OR9Q1: variants seen among roughly 807,000 people sequenced by gnomAD.
OR9Q1 encodes the protein olfactory receptor family 9 subfamily Q member 1.
For synonymous variants in OR9Q1, 153 were observed against 148.6 expected (o/e 1.03, Z -0.22); for missense variants, 374 against 378.8 (o/e 0.99, Z 0.11).
chr11:58,176,433 G>A (rs1316044720), intron 2 of OR9Q1, among the ~76,000 whole-genome samples: 2 of 152,152 alleles, frequency 1.3e-5, no homozygotes, highest in Non-Finnish European at 2.9e-5. Context: ...GCCATTGATT[G>A]GAGACCTCAG....
At chr11:58,133,088 A>G (rs1017555607) in intron 2 of OR9Q1, among the ~76,000 whole-genome samples, 9 of 152,154 alleles carry the variant, frequency 5.9e-5, no homozygotes, top group African/African-American at 2.2e-4. Flanking sequence ...CTGGGGAAGG[A>G]CCTTTTGGTC....
chr11:58,097,623 A>ATCTTATTTG (rs1223035217), intron 2 of OR9Q1, among the ~76,000 whole-genome samples: 1 of 152,230 alleles, frequency 6.6e-6, no homozygotes, highest in Non-Finnish European at 1.5e-5. Flanking sequence ...GACAAATAAG[A>ATCTTATTTG]TGGCGTCATA....
intron 2 of OR9Q1, among the ~76,000 whole-genome samples, chr11:58,145,695 G>C (rs996523800): frequency 6.6e-6 from 1 of 152,142 alleles, no homozygotes; most frequent in East Asian, 1.9e-4. Flanking sequence ...ATCCCAAAAG[G>C]CTTTGTAAAT....
chr11:58,095,444 G>T (rs893958606), intron 2 of OR9Q1, among the ~76,000 whole-genome samples: 5 of 152,188 alleles, frequency 3.3e-5, no homozygotes, highest in African/African-American at 9.7e-5. Context: ...TTCTCCTGTG[G>T]CTATGAAGAA....
chr11:58,163,997 A>T (rs1235416603), intron 2 of OR9Q1, among the ~76,000 whole-genome samples: 2 of 152,172 alleles, frequency 1.3e-5, no homozygotes, highest in African/African-American at 2.4e-5. Context: ...TTGCATATAA[A>T]TAATCCCAAT....
chr11:58,117,799 G>T (rs930582697), intron 2 of OR9Q1: 4 of 152,066 alleles, frequency 2.6e-5, no homozygotes, highest in African/African-American at 9.7e-5. Context: ...AGGTAGGATG[G>T]TTCATTTCAT....
chr11:58,125,871 G>A (rs1854085820), intron 2 of OR9Q1, among the ~76,000 whole-genome samples: 1 of 152,148 alleles, frequency 6.6e-6, no homozygotes, highest in Admixed American at 6.5e-5. Flanking sequence ...TTTGCCACTG[G>A]CTCACCATTC....
At chr11:58,056,853 C>G (rs1369710768) in intron 2 of OR9Q1, among the ~76,000 whole-genome samples, 1 of 152,176 alleles carries the variant, frequency 6.6e-6, no homozygotes, top group Non-Finnish European at 1.5e-5. Context: ...CCAAGCCTCT[C>G]ACTGCCTGAA....
chr11:58,167,884 A>AT lies in OR9Q1; in HGVS notation c.-14-11540dup, dbSNP rs201053316. On this transcript the variant is annotated intron_variant, in intron 2 of 2. Coordinates refer to ENST00000335397, the MANE Select transcript of OR9Q1 (RefSeq NM_001005212.4). ...AATGGCACACCATCCCTTCAGCTGCATTTTTTTGGATGAAACCATAAAACC... is the reference window on the plus strand; with the variant it reads ...AATGGCACACCATCCCTTCAGCTGCATTTTTTTTGGATGAAACCATAAAACC... Among the ~76,000 whole-genome samples the AT allele has an allele frequency of 4.8e-4, 73 of 152,268 alleles. No homozygotes were observed. The East Asian group carries it at 0.013, about 27-fold the overall frequency.
At chr11:58,139,440 C>G (rs1445887179) in intron 2 of OR9Q1, among the ~76,000 whole-genome samples, 3 of 152,046 alleles carry the variant, frequency 2.0e-5, no homozygotes, top group Admixed American at 6.6e-5. Flanking sequence ...CCGCTCCCCC[C>G]ACCCCACAAC....
intron 2 of OR9Q1, among the ~76,000 whole-genome samples, chr11:58,086,176 A>G (rs946880243): frequency 3.3e-5 from 5 of 151,962 alleles, no homozygotes; most frequent in Non-Finnish European, 7.3e-5. Context: ...AAAAAACCAA[A>G]TAACCCAATT....
At chr11:58,119,179 T>A (rs1853997043) in intron 2 of OR9Q1, 2 of 1,613,930 alleles carry the variant, frequency 1.2e-6, no homozygotes, top group Admixed American at 3.3e-5. Flanking sequence ...GATGACCGTT[T>A]TGCCTGTGGC....
At chr11:58,032,341 G>A (rs932443376) in intron 1 of OR9Q1, among the ~76,000 whole-genome samples, 1 of 152,090 alleles carries the variant, frequency 6.6e-6, no homozygotes, top group South Asian at 2.1e-4. Context: ...TAAATCTGGA[G>A]GCATTATATT....
intron 1 of OR9Q1, among the ~76,000 whole-genome samples, chr11:58,029,168 G>C (rs1853004000): frequency 6.6e-6 from 1 of 152,194 alleles, no homozygotes; most frequent in South Asian, 2.1e-4. Flanking sequence ...GGGAAGGCTG[G>C]TGTCAGCTTG....
intron 2 of OR9Q1, among the ~76,000 whole-genome samples, chr11:58,089,270 TG>T (rs1381618830): frequency 1.9e-4 from 29 of 151,946 alleles, no homozygotes; most frequent in Admixed American, 1.9e-3. Flanking sequence ...AGGGTTTTTA[TG>T]GTTTTGGGTT....
intron 2 of OR9Q1, among the ~76,000 whole-genome samples, chr11:58,139,094 G>T (rs1854217338): frequency 1.3e-5 from 2 of 152,138 alleles, no homozygotes; most frequent in African/African-American, 4.8e-5. Context: ...AAGGAAAAAG[G>T]AGGAAATTCA....
intron 2 of OR9Q1, chr11:58,109,036 G>C (rs1393847961): frequency 2.2e-6 from 1 of 457,884 alleles, no homozygotes; most frequent in South Asian, 1.6e-5. Flanking sequence ...CATGACATTG[G>C]CTAGGAACAT....
intron 2 of OR9Q1, among the ~76,000 whole-genome samples, chr11:58,079,734 A>G (rs561987093): frequency 6.6e-6 from 1 of 152,284 alleles, no homozygotes; most frequent in Admixed American, 6.5e-5. Context: ...AAGGCGCCCC[A>G]GTTGCCTCAG....
intron 2 of OR9Q1, among the ~76,000 whole-genome samples, chr11:58,121,555 C>T (rs1197226819): frequency 6.6e-6 from 1 of 152,200 alleles, no homozygotes; most frequent in Non-Finnish European, 1.5e-5. Context: ...ACAACCAAGT[C>T]TCCAGATTCC....
Sources: allele counts gnomAD v4.1 joint callset (sites outside exome capture counted in the v4.1 genomes callset), GRCh38; gene constraint gnomAD v4.1.1; transcripts MANE v1.5; gene names NCBI Gene and HGNC (gene_info 2026-07-23, HGNC 2026-07-21).